The following STK24 variants were observed in gnomAD, a reference collection of about 807,000 sequenced individuals.
STK24 encodes serine/threonine-protein kinase 24.
STK24 carries 21 observed loss-of-function variants against 55.6 expected under a neutral mutation model. The observed-to-expected ratio is 0.38, with a 90% confidence interval of 0.27 to 0.54. STK24 has a LOEUF of 0.54. Among genes scored for constraint, STK24 ranks in the 20% least tolerant of loss-of-function variants. STK24 has a pLI of 0.79. For synonymous variants in STK24, 200 were observed against 215.2 expected, an observed-to-expected ratio of 0.93 and a Z score of 0.62; for missense variants, 383 against 538.4, an observed-to-expected ratio of 0.71 and a Z score of 2.86.
intron 1 of STK24, among the ~76,000 whole-genome samples, chr13:98,539,845 C>G (rs918710989): frequency 1.3e-5 from 2 of 152,086 alleles, no homozygotes; most frequent in Non-Finnish European, 2.9e-5. Context: ...AACAAAAAAC[C>G]TACCCTCTAA....
Position 98,457,317 on chromosome 13 carries a change from G to C in STK24, c.1123-13C>G. On this transcript the variant is annotated splice_polypyrimidine_tract_variant and intron_variant, in intron 9 of 10. Transcript: ENST00000539966. ...TCTTCTCCTTCAACTGAAAACACAC[G>C]AACAGGAAGAATGGCATGAAGCACA... 3 of 1,613,906 alleles carry C rather than the reference G, an allele frequency of 1.9e-6. No homozygotes were observed. The highest frequency in any genetic ancestry group is 1.3e-5 in the African/African-American group (1 of 75,028).
intron 1 of STK24, among the ~76,000 whole-genome samples, chr13:98,561,598 A>G (rs1387941691): frequency 6.6e-6 from 1 of 152,102 alleles, no homozygotes; most frequent in African/African-American, 2.4e-5. Context: ...AGAAAGAAAG[A>G]AAGCAGCAAG....
intron 1 of STK24, among the ~76,000 whole-genome samples, chr13:98,574,872 G>A (rs1213496450): frequency 6.6e-6 from 1 of 151,782 alleles, no homozygotes; most frequent in African/African-American, 2.4e-5. Context: ...GGATAAAAAT[G>A]AAAAGGTGAG....
At chr13:98,574,782 T>G (rs1897837245) in intron 1 of STK24, among the ~76,000 whole-genome samples, 9 of 152,104 alleles carry the variant, frequency 5.9e-5, no homozygotes, top group Admixed American at 5.9e-4. Flanking sequence ...TACATAATAG[T>G]TGAGAGGCAA....
intron 1 of STK24, among the ~76,000 whole-genome samples, chr13:98,535,367 AAAAATAT>A (rs1375879130): frequency 2.6e-3 from 77 of 29,870 alleles, no homozygotes; most frequent in East Asian, 0.011. Flanking sequence ...CAAACAAAAA[AAAAATAT>A]ATATATATAT....
rs747141547 is a variant in STK24, at chr13:98,450,853, T to C, written c.*2320A>G. The C allele has an allele frequency of 6.6e-5, 10 of 152,346 alleles. No individual in the cohort carries two copies. Among genetic ancestry groups the C allele is most frequent in the East Asian group, 3.9e-4 (2 of 5,186 alleles). The allele number at this position is 152,346 out of a possible 1,614,324, so 9.4% of individuals were successfully genotyped here. On this transcript the variant is annotated 3_prime_UTR_variant, in exon 11 of 11. Transcript: ENST00000539966. Reference sequence around the variant, plus strand: ...CTTGGCTAAGATGCCCTTAAAAACATTGGGGCTGATTTTGTGCGTCTACAG... The same window carrying C: ...CTTGGCTAAGATGCCCTTAAAAACACTGGGGCTGATTTTGTGCGTCTACAG...
chr13:98,481,943 T>C lies in STK24; in HGVS notation c.330+322A>G, dbSNP rs539730587. The stretch of plus-strand genomic sequence containing the variant: ...TTGGCCAGGTGTGGTGGCATGCACC[T>C]GTAGTCCCAGTTACTTGGAAGGCTG... On this transcript the variant is annotated intron_variant, in intron 3 of 10. Coordinates refer to ENST00000539966, the MANE Select transcript of STK24 (RefSeq NM_001032296.4). Among the ~76,000 whole-genome samples, 94 of 152,148 alleles carry C rather than the reference T, an allele frequency of 6.2e-4. 1 individual carries two copies. Among genetic ancestry groups the C allele is most frequent in the African/African-American group, 2.2e-3 (93 of 41,504 alleles).
intron 1 of STK24, among the ~76,000 whole-genome samples, chr13:98,547,406 G>A (rs1419427596): frequency 2.0e-5 from 3 of 152,052 alleles, no homozygotes; most frequent in African/African-American, 7.2e-5. Flanking sequence ...CAATGAGCCG[G>A]GCACGGTGGC....
chr13:98,497,742 C>T (rs1443807184), intron 2 of STK24, among the ~76,000 whole-genome samples: 1 of 152,226 alleles, frequency 6.6e-6, no homozygotes, highest in African/African-American at 2.4e-5. Flanking sequence ...AAGAAGACGG[C>T]ACCTTCCTCC....
intron 1 of STK24, chr13:98,521,971 C>G: frequency 7.1e-7 from 1 of 1,412,242 alleles, no homozygotes. Context: ...CCATTTAAAA[C>G]AAACGAAAGC....
chr13:98,519,374 T>G lies in STK24; in HGVS notation c.142A>C (p.Lys48Gln). The change falls in exon 2 of 11, where the codon AAA becomes CAA. Residue 48 changes from lysine (K) to glutamine (Q), a missense_variant. Physicochemically the swap from Lys to Gln is moderately conservative, Grantham distance 53. Transcript: ENST00000539966. ...VFKGIDNRTQ[K>Q]VVAIKIIDLE... ...TCAATGATCTTTATGGCAACCACTT[T>G]CTGAGTCCGATTGTCAATGCCTTTG... 1 of 1,614,264 alleles carries G rather than the reference T, an allele frequency of 6.2e-7. No homozygotes were observed. The highest frequency in any genetic ancestry group is 8.5e-7 in the Non-Finnish European group (1 of 1,180,040).
At chr13:98,542,866 T>C (rs556440345) in intron 1 of STK24, 6 of 985,446 alleles carry the variant, frequency 6.1e-6, no homozygotes, top group East Asian at 1.1e-4. Context: ...AAGAGGTCAG[T>C]TGAAATCTAG....
intron 7 of STK24, among the ~76,000 whole-genome samples, chr13:98,462,512 C>A (rs1264981587): frequency 6.6e-6 from 1 of 152,126 alleles, no homozygotes; most frequent in African/African-American, 2.4e-5. Flanking sequence ...CCTGTGGCCC[C>A]ATTAAGCCTG....
At chr13:98,534,346 C>T (rs1896655800) in intron 1 of STK24, among the ~76,000 whole-genome samples, 1 of 152,222 alleles carries the variant, frequency 6.6e-6, no homozygotes, top group African/African-American at 2.4e-5. Flanking sequence ...CTCCATCTTG[C>T]TTCTACCCTC....
intron 3 of STK24, among the ~76,000 whole-genome samples, chr13:98,481,972 C>T (rs1432941636): frequency 6.6e-6 from 1 of 151,228 alleles, no homozygotes; most frequent in Non-Finnish European, 1.5e-5. Flanking sequence ...AAGGCTGAGG[C>T]ACAAAAATCG....
In STK24 at chr13:98,453,095, G is replaced by A; in HGVS notation, c.*78C>T. 6.4e-7 allele frequency: 1 copy of A among 1,557,974 alleles called. No individual in the cohort carries two copies. The highest frequency in any genetic ancestry group is 8.8e-7 in the Non-Finnish European group (1 of 1,135,786). On this transcript the variant is annotated 3_prime_UTR_variant, in exon 11 of 11. Coordinates refer to ENST00000539966, the MANE Select transcript of STK24 (RefSeq NM_001032296.4). ...CACCTCTTCGGTGGAGTCAGCGAAG[G>A]CTCTCGTTGACTTTTAAAAAAGGAG...
chr13:98,461,877 G>A lies in STK24; in HGVS notation c.950C>T (p.Ser317Leu), dbSNP rs771659220. 5.6e-6 allele frequency: 9 copies of A among 1,613,870 alleles called. No homozygotes were observed. The highest frequency in any genetic ancestry group is 3.3e-5 in the Admixed American group (2 of 59,988). Residue 317 changes from serine to leucine, a missense_variant, in exon 8 of 11, where the codon TCG becomes TTG. Transcript: ENST00000539966. ...DSDAETDGQA[S>L]GGSDSGDWIF... ...CCAGTCCCCAGAATCACTGCCCCCC[G>A]AGGCTTGGCCATCTGTTTCCCTTAA...
chr13:98,500,082 A>C (rs1482581017), intron 2 of STK24, among the ~76,000 whole-genome samples: 2 of 152,196 alleles, frequency 1.3e-5, no homozygotes, highest in Non-Finnish European at 2.9e-5. Context: ...TTTTCTCTCA[A>C]ATCCCACTGC....
At chr13:98,561,598 A>C (rs1387941691) in intron 1 of STK24, among the ~76,000 whole-genome samples, 6 of 152,102 alleles carry the variant, frequency 3.9e-5, no homozygotes, top group Non-Finnish European at 5.9e-5. Flanking sequence ...AGAAAGAAAG[A>C]AAGCAGCAAG....
Sources: allele counts gnomAD v4.1 joint callset (sites outside exome capture counted in the v4.1 genomes callset), GRCh38; gene constraint gnomAD v4.1.1; transcripts MANE v1.5; gene names NCBI Gene and HGNC (gene_info 2026-07-23, HGNC 2026-07-21).